PARG: variants seen among roughly 807,000 people sequenced by gnomAD.
The protein encoded by PARG is poly(ADP-ribose) glycohydrolase, also known as mitochondrial poly(ADP-ribose) glycohydrolase.
In PARG, 35 loss-of-function variants were observed where a neutral mutation model predicts 113.0. The observed-to-expected ratio is 0.31, with a 90% CI of 0.24 to 0.41. The LOEUF is 0.41. PARG is among the 10% of genes least tolerant of loss of function. The probability of loss-of-function intolerance (pLI) is 1.00; values close to 1 mark genes in which losing one functional copy is unlikely to be tolerated. For missense variants in PARG, 797 were observed against 1,169.4 expected, an observed-to-expected ratio of 0.68 and a Z score of 4.64; for synonymous variants, 330 against 409.9, an observed-to-expected ratio of 0.81 and a Z score of 2.36.
At chr10:49,845,910 A>T (rs868989812) in intron 13 of PARG, among the ~76,000 whole-genome samples, 25 of 151,938 alleles carry the variant, frequency 1.6e-4, no homozygotes, top group South Asian at 4.2e-4. Flanking sequence ...GGAAAAAAAA[A>T]TGCTTATTGA....
At chr10:49,838,027 G>A (rs1845029263) in intron 15 of PARG, among the ~76,000 whole-genome samples, 1 of 152,208 alleles carries the variant, frequency 6.6e-6, no homozygotes, top group Non-Finnish European at 1.5e-5. Context: ...AAGCATGTAG[G>A]AGACTATTCT....
chr10:49,890,763 A>G (rs1847735403), intron 7 of PARG, among the ~76,000 whole-genome samples: 1 of 152,152 alleles, frequency 6.6e-6, no homozygotes, highest in Non-Finnish European at 1.5e-5. Context: ...TAGAAAAGAG[A>G]TATTTACTTA....
chr10:49,819,642 G>A, intron 17 of PARG, 148 bp from the exon 18 acceptor site: 1 of 634,054 alleles, frequency 1.6e-6, no homozygotes, highest in South Asian at 2.0e-5. Context: ...ATGCCTGAAA[G>A]GCTTTCCCAA....
At chr10:49,912,842 C>T (rs1394943368) in intron 7 of PARG, among the ~76,000 whole-genome samples, 1 of 152,050 alleles carries the variant, frequency 6.6e-6, no homozygotes, top group Non-Finnish European at 1.5e-5. Context: ...GTAGCACATG[C>T]CTGTAGTCCC....
At chr10:49,822,972 T>A (rs1273717370) in intron 16 of PARG, among the ~76,000 whole-genome samples, 2 of 152,088 alleles carry the variant, frequency 1.3e-5, no homozygotes, top group African/African-American at 4.8e-5. Flanking sequence ...ACATGACAAC[T>A]AAATGCAGTA....
At chr10:49,862,156 T>C (rs571975039) in intron 11 of PARG, among the ~76,000 whole-genome samples, 2 of 151,232 alleles carry the variant, frequency 1.3e-5, no homozygotes, top group South Asian at 4.2e-4. Context: ...CAATGGTATT[T>C]TTCTATTAAT....
At chr10:49,861,944 C>T (rs1299081337) in intron 11 of PARG, among the ~76,000 whole-genome samples, 2 of 151,486 alleles carry the variant, frequency 1.3e-5, no homozygotes, top group African/African-American at 4.9e-5. Flanking sequence ...AAAAACATTA[C>T]AAAATATTAA....
rs1554840263 is a variant in PARG at position 49,885,306 on chromosome 10, A to G, written c.1738-11T>C. 12 of 1,520,642 alleles carry G rather than the reference A, an allele frequency of 7.9e-6. No individual in the cohort carries two copies. Among genetic ancestry groups the G allele is most frequent in the East Asian group, 2.2e-5 (1 of 44,482 alleles). 94.2% of individuals were successfully genotyped at this position (1,520,642 alleles called of 1,614,324 possible). ...TGCTTCTTCAAGTACCTGAAAACCAATAAAATAAGTTATGTGAATAACAAT... is the reference window on the plus strand; with the variant it reads ...TGCTTCTTCAAGTACCTGAAAACCAGTAAAATAAGTTATGTGAATAACAAT... On this transcript the variant is annotated splice_polypyrimidine_tract_variant and intron_variant, in intron 7 of 17. Coordinates refer to ENST00000616448, the MANE Select transcript of PARG (RefSeq NM_003631.5).
chr10:49,830,825 T>A (rs936660750), intron 16 of PARG, among the ~76,000 whole-genome samples: 1 of 152,186 alleles, frequency 6.6e-6, no homozygotes, highest in Admixed American at 6.5e-5. Context: ...TACGTATTCT[T>A]TGAGTCATTA....
intron 16 of PARG, among the ~76,000 whole-genome samples, chr10:49,826,952 A>G (rs1345761896): frequency 1.3e-5 from 2 of 152,204 alleles, no homozygotes; most frequent in African/African-American, 4.8e-5. Flanking sequence ...AACCAACACA[A>G]ACAGAGGGAG....
intron 9 of PARG, among the ~76,000 whole-genome samples, chr10:49,876,768 G>T (rs1846958441): frequency 6.6e-6 from 1 of 150,722 alleles, no homozygotes; most frequent in South Asian, 2.1e-4. Flanking sequence ...GTAACCTTAT[G>T]GCACTTAATA....
intron 6 of PARG, among the ~76,000 whole-genome samples, chr10:49,918,240 C>T (rs1554848237): frequency 6.6e-6 from 1 of 152,162 alleles, no homozygotes; most frequent in African/African-American, 2.4e-5. Context: ...TCAAATGACA[C>T]ACTTTAAAAG....
chr10:49,941,812 T>A lies in PARG; in HGVS notation c.-87A>T. On this transcript the variant is annotated 5_prime_UTR_variant, in exon 1 of 18. An upstream open reading frame in the 5' UTR gains an earlier in-frame stop. Coordinates refer to ENST00000616448, the MANE Select transcript of PARG (RefSeq NM_003631.5). The stretch of plus-strand genomic sequence containing the variant: ...CTGAGAGAGATGGACTGCGCCTCCT[T>A]CTCAGCGCCTGCCTGCACCATTCCC... 1 of 1,534,354 alleles carries A rather than the reference T, an allele frequency of 6.5e-7. No homozygotes were observed.
At chr10:49,909,325 C>T (rs1837035904) in intron 7 of PARG, among the ~76,000 whole-genome samples, 2 of 151,258 alleles carry the variant, frequency 1.3e-5, no homozygotes, top group South Asian at 4.2e-4. Flanking sequence ...CCAGCCATTA[C>T]TTTGTGTATG....
chr10:49,935,000 A>G (rs1389490088), intron 2 of PARG, 76 bp downstream of exon 2: 2 of 666,400 alleles, frequency 3.0e-6, no homozygotes, highest in African/African-American at 3.7e-5. Context: ...ATGAACAAAG[A>G]GAGAAAATAT....
chr10:49,903,882 C>T (rs183260382), intron 7 of PARG, among the ~76,000 whole-genome samples: 121 of 152,110 alleles, frequency 8.0e-4, no homozygotes, highest in African/African-American at 2.5e-3. Context: ...GATGAAATGC[C>T]ATGGAGGTTT....
intron 7 of PARG, among the ~76,000 whole-genome samples, chr10:49,903,642 T>C (rs1359568921): frequency 6.6e-6 from 1 of 152,034 alleles, no homozygotes; most frequent in Non-Finnish European, 1.5e-5. Flanking sequence ...GAGGAGTTTT[T>C]AGTAGCGGCT....
At chr10:49,825,011 AAGG>A (rs1564592120) in intron 16 of PARG, among the ~76,000 whole-genome samples, 2 of 152,188 alleles carry the variant, frequency 1.3e-5, no homozygotes, top group East Asian at 3.9e-4. Flanking sequence ...GCATGCTGTC[AAGG>A]AGGCCAAAAT....
chr10:49,929,654 C>A (rs1838390205), intron 4 of PARG, among the ~76,000 whole-genome samples: 1 of 151,902 alleles, frequency 6.6e-6, no homozygotes, highest in Non-Finnish European at 1.5e-5. Context: ...ATGGAGAAAC[C>A]CCGTCTCTAC....
Sources: allele counts gnomAD v4.1 joint callset (sites outside exome capture counted in the v4.1 genomes callset), GRCh38; gene constraint gnomAD v4.1.1; transcripts MANE v1.5; gene names NCBI Gene and HGNC (gene_info 2026-07-23, HGNC 2026-07-21).